FSIP1: variants seen among roughly 807,000 people sequenced by gnomAD.
FSIP1 encodes fibrous sheath interacting protein 1, also known as fibrous sheath-interacting protein 1.
A neutral mutation model predicts 60.9 loss-of-function variants in FSIP1; 65 were observed. The ratio of observed to expected loss-of-function variants is 1.07; its 90% confidence interval spans 0.87 to 1.31. The LOEUF (loss-of-function observed/expected upper bound fraction) is 1.31, where lower values mean the gene tolerates loss of function less well. FSIP1 is among the 40% of genes most tolerant of loss of function. The pLI, the probability that FSIP1 is intolerant of heterozygous loss-of-function variation, is 0.00. For synonymous variants in FSIP1, 209 were observed against 221.2 expected (o/e 0.94, Z 0.49); for missense variants, 675 against 665.5 (o/e 1.01, Z -0.16).
chr15:39,612,100 T>A (rs1214521178), intron 11 of FSIP1, among the ~76,000 whole-genome samples: 1 of 152,148 alleles, frequency 6.6e-6, no homozygotes, highest in Non-Finnish European at 1.5e-5. Flanking sequence ...GATGAAGAGA[T>A]CATCTAGACA....
chr15:39,634,882 T>C (rs142375616), intron 10 of FSIP1, among the ~76,000 whole-genome samples: 2 of 152,178 alleles, frequency 1.3e-5, no homozygotes, highest in African/African-American at 2.4e-5. Context: ...TGTCACAATA[T>C]ATTGGACTAA....
intron 10 of FSIP1, among the ~76,000 whole-genome samples, chr15:39,665,030 TA>T (rs1893441429): frequency 6.6e-6 from 1 of 152,186 alleles, no homozygotes; most frequent in Non-Finnish European, 1.5e-5. Flanking sequence ...AAAAATTCCT[TA>T]AATATTTGTT....
At chr15:39,598,710 G>C (rs935711917), downstream of FSIP1, 1 of 152,158 alleles carries the variant, frequency 6.6e-6, no homozygotes, top group African/African-American at 2.4e-5. Context: ...CGAGATGATA[G>C]CTTTTTTCCT....
At position 39,633,091 on chromosome 15, in the gene FSIP1, C is replaced by CTTTTTTTTTTT. The variant is rs869063502; in HGVS notation, c.1189-14857_1189-14847dup. ...AATCTTCCCCACATAGGCTATACTT[C>CTTTTTTTTTTT]TTTTTTTTTTTTTTTTTTTTGAGAT... On this transcript the variant is annotated intron_variant, in intron 10 of 11. Transcript: ENST00000350221. 5.1e-4 allele frequency among the ~76,000 whole-genome samples: 58 copies of CTTTTTTTTTTT among 112,880 alleles called. 4 individuals carry two copies. Among genetic ancestry groups the CTTTTTTTTTTT allele is most frequent in the African/African-American group, 1.5e-3 (40 of 27,108 alleles). 74.1% of individuals were successfully genotyped at this position (112,880 alleles called of 152,430 possible).
At chr15:39,611,859 G>A (rs1891049176) in intron 11 of FSIP1, among the ~76,000 whole-genome samples, 1 of 152,084 alleles carries the variant, frequency 6.6e-6, no homozygotes, top group Non-Finnish European at 1.5e-5. Flanking sequence ...AAGAGAGCAG[G>A]GGTTAGCTAT....
intron 1 of FSIP1, among the ~76,000 whole-genome samples, chr15:39,782,305 T>C (rs1279749991): frequency 6.6e-6 from 1 of 152,254 alleles, no homozygotes; most frequent in Non-Finnish European, 1.5e-5. Flanking sequence ...GAAATGCCTA[T>C]TTGCATCCTT....
At chr15:39,605,545 G>A (rs1890792289) in intron 11 of FSIP1, among the ~76,000 whole-genome samples, 1 of 152,190 alleles carries the variant, frequency 6.6e-6, no homozygotes, top group African/African-American at 2.4e-5. Context: ...ACTACAAGCA[G>A]AGGAGACTTA....
chr15:39,705,475 A>T (rs1020622815), intron 10 of FSIP1, among the ~76,000 whole-genome samples: 1 of 152,202 alleles, frequency 6.6e-6, no homozygotes, highest in Non-Finnish European at 1.5e-5. Flanking sequence ...TAAGAGAATG[A>T]TATAATAAAA....
Position 39,617,882 on chromosome 15 carries a change from T to C in FSIP1, c.1552A>G (p.Thr518Ala). 1 of 1,614,148 alleles carries C rather than the reference T, an allele frequency of 6.2e-7. No homozygotes were observed. Among genetic ancestry groups the C allele is most frequent in the South Asian group, 1.1e-5 (1 of 91,082 alleles). Residue 518 changes from threonine to alanine, a missense_variant, in exon 11 of 12, where the codon ACA becomes GCA. Coordinates refer to ENST00000350221, the MANE Select transcript of FSIP1 (RefSeq NM_152597.5). ...QFSKDVIISDTKDYFMSKTLG... is the reference protein window; with the variant it reads ...QFSKDVIISDAKDYFMSKTLG... ...GTCTTCGACATAAAATAGTCTTTTG[T>C]GTCACTAATAATAACGTCCTTGGAA...
chr15:39,709,557 C>A (rs1425620051), intron 10 of FSIP1, among the ~76,000 whole-genome samples: 2 of 152,002 alleles, frequency 1.3e-5, no homozygotes, highest in South Asian at 4.2e-4. Context: ...TGCCAAGAAT[C>A]TCTGGCAAAA....
chr15:39,647,808 A>G (rs1328298460), intron 10 of FSIP1, among the ~76,000 whole-genome samples: 2 of 152,266 alleles, frequency 1.3e-5, no homozygotes, highest in African/African-American at 4.8e-5. Context: ...ATGTTCTAAC[A>G]AAATCTACTG....
chr15:39,659,968 A>G (rs1893232375), intron 10 of FSIP1, among the ~76,000 whole-genome samples: 1 of 152,222 alleles, frequency 6.6e-6, no homozygotes, highest in Non-Finnish European at 1.5e-5. Context: ...CACAAGACTT[A>G]GTGTGACTTC....
chr15:39,635,851 T>A (rs938666994), intron 10 of FSIP1, among the ~76,000 whole-genome samples: 1 of 152,024 alleles, frequency 6.6e-6, no homozygotes, highest in Non-Finnish European at 1.5e-5. Context: ...GATCCTAATA[T>A]CCCTAGTAAG....
intron 10 of FSIP1, among the ~76,000 whole-genome samples, chr15:39,678,909 T>C (rs1402300112): frequency 1.3e-5 from 2 of 152,230 alleles, no homozygotes; most frequent in African/African-American, 4.8e-5. Context: ...TTTTTAGGTT[T>C]TTTAATTCTT....
At chr15:39,649,681 G>C (rs1892784802) in intron 10 of FSIP1, among the ~76,000 whole-genome samples, 2 of 152,080 alleles carry the variant, frequency 1.3e-5, no homozygotes, top group African/African-American at 4.8e-5. Flanking sequence ...ATTCTTCCCA[G>C]ACACTTTTTC....
chr15:39,773,110 C>T (rs552065204), intron 2 of FSIP1, among the ~76,000 whole-genome samples: 1 of 151,914 alleles, frequency 6.6e-6, no homozygotes, highest in South Asian at 2.1e-4. Flanking sequence ...TCACTAAATA[C>T]ATGTCACTAA....
chr15:39,616,704 C>T (rs1001614540), intron 11 of FSIP1, among the ~76,000 whole-genome samples: 1 of 152,190 alleles, frequency 6.6e-6, no homozygotes. Flanking sequence ...TTAAGGAATT[C>T]TGATTTTGAT....
intron 11 of FSIP1, among the ~76,000 whole-genome samples, chr15:39,604,682 G>C (rs926901699): frequency 6.6e-6 from 1 of 152,180 alleles, no homozygotes; most frequent in Non-Finnish European, 1.5e-5. Context: ...TAGACAAAGG[G>C]AGGTTAAGTC....
intron 8 of FSIP1, among the ~76,000 whole-genome samples, chr15:39,731,992 T>C (rs1896422138): frequency 6.6e-6 from 1 of 152,218 alleles, no homozygotes; most frequent in Non-Finnish European, 1.5e-5. Flanking sequence ...AGGGACAGGT[T>C]TCCTGGAAGA....
Sources: allele counts gnomAD v4.1 joint callset (sites outside exome capture counted in the v4.1 genomes callset), GRCh38; gene constraint gnomAD v4.1.1; transcripts MANE v1.5; gene names NCBI Gene and HGNC (gene_info 2026-07-23, HGNC 2026-07-21).